The following MAP3K2 variants were observed in gnomAD, a reference collection of about 807,000 sequenced individuals.
MAP3K2 encodes the protein mitogen-activated protein kinase kinase kinase 2, also known as MAP/ERK kinase kinase 2.
In MAP3K2, 24 loss-of-function variants were observed where a neutral mutation model predicts 80.3. The ratio of observed to expected loss-of-function variants is 0.30; its 90% CI spans 0.22 to 0.42. MAP3K2 has a LOEUF of 0.42. Ranked by LOEUF, MAP3K2 falls within the 10% of genes least tolerant of loss-of-function variation. MAP3K2 has a pLI of 1.00. For missense variants in MAP3K2, 608 were observed against 750.1 expected (o/e 0.81, Z 2.21); for synonymous variants, 244 against 253.7 (o/e 0.96, Z 0.36).
chr2:127,337,499 G>GTGATACA (rs1686396779), intron 4 of MAP3K2, among the ~76,000 whole-genome samples: 1 of 152,144 alleles, frequency 6.6e-6, no homozygotes, highest in African/African-American at 2.4e-5. Context: ...GTATTAAACA[G>GTGATACA]TGATCTTATT....
In MAP3K2 at chr2:127,371,252, G is replaced by A. The variant is rs184530745; in HGVS notation, c.-66+16200C>T. Among the ~76,000 whole-genome samples the A allele has an allele frequency of 2.2e-3, 330 of 152,236 alleles. 3 individuals carry two copies. Among genetic ancestry groups the A allele is most frequent in the African/African-American group, 7.5e-3 (310 of 41,516 alleles). On this transcript the variant is annotated intron_variant, in intron 1 of 16. Coordinates refer to ENST00000682094, the MANE Select transcript of MAP3K2 (RefSeq NM_001371910.2). ...GAGGGCAGAATACGATGAGTTGTGC[G>A]AACAACAAGCCAACCAGAACGAGGT...
At chr2:127,347,135 A>T (rs1358851676) in intron 1 of MAP3K2, among the ~76,000 whole-genome samples, 1 of 152,166 alleles carries the variant, frequency 6.6e-6, no homozygotes, top group Non-Finnish European at 1.5e-5. Context: ...TTATGGTGAA[A>T]AACTTCATGG....
chr2:127,337,769 G>A lies in MAP3K2; in HGVS notation c.133C>T (p.Arg45Ter). 1.3e-6 allele frequency: 2 copies of A among 1,521,786 alleles called. No homozygotes were observed. The highest frequency in any genetic ancestry group is 1.4e-5 in the African/African-American group (1 of 72,474). The allele number at this position is 1,521,786 out of a possible 1,614,324, so 94.3% of individuals were successfully genotyped here. ...SSSPKKQNDV[R>*]VKFEHRGEKR... is the part of the protein sequence containing the mutation. ...TCTCCTCTATGTTCAAATTTGACTCGGACATCATTCTGTAATGAAATGACA... is the reference window on the plus strand; with the variant it reads ...TCTCCTCTATGTTCAAATTTGACTCAGACATCATTCTGTAATGAAATGACA... The change falls in exon 4 of 17, where the codon CGA (arginine) becomes TGA (stop). Residue 45 changes from arginine (R) to a stop codon, truncating the protein, a stop_gained. Transcript: ENST00000682094. LOFTEE classifies it high-confidence loss of function.
At chr2:127,369,959 G>A (rs1041984645) in intron 1 of MAP3K2, among the ~76,000 whole-genome samples, 6 of 152,154 alleles carry the variant, frequency 3.9e-5, no homozygotes, top group African/African-American at 9.7e-5. Flanking sequence ...CAAAAGCTTC[G>A]GAAAAAGATT....
At chr2:127,368,576 C>T (rs913055282) in intron 1 of MAP3K2, among the ~76,000 whole-genome samples, 2 of 151,948 alleles carry the variant, frequency 1.3e-5, no homozygotes, top group East Asian at 1.9e-4. Context: ...GAGCCCAGAT[C>T]GTGCCACTGC....
intron 1 of MAP3K2, among the ~76,000 whole-genome samples, chr2:127,348,059 G>A (rs1686629065): frequency 6.6e-6 from 1 of 152,146 alleles, no homozygotes; most frequent in South Asian, 2.1e-4. Flanking sequence ...AACTGATGAA[G>A]AGAGAAACAT....
At chr2:127,380,187 A>T (rs1421218959) in intron 1 of MAP3K2, among the ~76,000 whole-genome samples, 1 of 152,196 alleles carries the variant, frequency 6.6e-6, no homozygotes, top group Non-Finnish European at 1.5e-5. Flanking sequence ...GTACCAAACA[A>T]CAAAACGCTG....
At position 127,335,773 on chromosome 2, in the gene MAP3K2, A is replaced by T. The variant is rs571684668; in HGVS notation, c.264+97T>A. On this transcript the variant is annotated intron_variant, in intron 5 of 16. Transcript: ENST00000682094. ...CTTCTGACATACCATATATTTATCA[A>T]TCCCTAAATAAAAACACGAGTCTTA... 10 of 607,680 alleles carry T rather than the reference A, an allele frequency of 1.6e-5. 1 individual carries two copies. The East Asian group carries it at 2.8e-4, about 17-fold the overall frequency. 37.6% of individuals were successfully genotyped at this position (607,680 alleles called of 1,614,324 possible).
chr2:127,336,285 T>C (rs1686370318), intron 4 of MAP3K2, among the ~76,000 whole-genome samples: 1 of 152,202 alleles, frequency 6.6e-6, no homozygotes, highest in Non-Finnish European at 1.5e-5. Flanking sequence ...AGGAAACTGA[T>C]TAAACTTAAC....
intron 4 of MAP3K2, 85 bp from the exon 5 acceptor site, chr2:127,336,054 A>G: frequency 1.4e-6 from 1 of 706,132 alleles, no homozygotes; most frequent in Non-Finnish European, 2.4e-6. Flanking sequence ...TTAGAGTGAT[A>G]CAAGATTAAC....
At position 127,325,281 on chromosome 2, in the gene MAP3K2, T is replaced by C. The variant is rs188583561; in HGVS notation, c.677+447A>G. ...CTGTGCAAAAATTCATCTGCCGTCA[T>C]CATACACAAGTACCAATTCTATTCC... On this transcript the variant is annotated intron_variant, in intron 9 of 16. Coordinates refer to ENST00000682094, the MANE Select transcript of MAP3K2 (RefSeq NM_001371910.2). Among the ~76,000 whole-genome samples, 246 of 152,346 alleles carry C rather than the reference T, an allele frequency of 1.6e-3. 1 individual carries two copies. The highest frequency in any genetic ancestry group is 1.4e-3 in the Non-Finnish European group (94 of 68,032).
At chr2:127,338,231 G>C (rs1046088955) in intron 3 of MAP3K2, among the ~76,000 whole-genome samples, 3 of 152,146 alleles carry the variant, frequency 2.0e-5, no homozygotes, top group African/African-American at 7.2e-5. Flanking sequence ...CAGCTTTGGA[G>C]AACAGTTACC....
intron 7 of MAP3K2, among the ~76,000 whole-genome samples, chr2:127,329,646 C>T (rs529922516): frequency 5.1e-4 from 78 of 152,244 alleles, no homozygotes; most frequent in African/African-American, 1.8e-3. Context: ...TGAGCTACCG[C>T]GCCCAGCCTA....
rs147598017 is a variant in MAP3K2, at chr2:127,378,899, C to G, written c.-66+8553G>C. Among the ~76,000 whole-genome samples the G allele has an allele frequency of 3.7e-3, 560 of 151,982 alleles. 2 individuals carry two copies. The highest frequency in any genetic ancestry group is 0.013 in the African/African-American group (539 of 41,450). Reference sequence around the variant, plus strand: ...CTCCCACCTCAGCCTTTTGAGTAATCCTCCCACCTCAGCCTTTTGAGTAGC... The same window carrying G: ...CTCCCACCTCAGCCTTTTGAGTAATGCTCCCACCTCAGCCTTTTGAGTAGC... On this transcript the variant is annotated intron_variant, in intron 1 of 16. Coordinates refer to ENST00000682094, the MANE Select transcript of MAP3K2 (RefSeq NM_001371910.2).
chr2:127,320,483 G>T (rs748483428), intron 12 of MAP3K2, among the ~76,000 whole-genome samples: 3 of 151,910 alleles, frequency 2.0e-5, no homozygotes, highest in Non-Finnish European at 2.9e-5. Context: ...GACAACAGAG[G>T]TATGAGACAG....
Position 127,303,066 on chromosome 2 carries a change from C to G in MAP3K2, c.*4513G>C, listed in dbSNP as rs896739037. Reference sequence around the variant, plus strand: ...TAATATAAAATAAAATTAAGGCATACAGAGAAAAGGCACTACTAAAAATTA... The same window carrying G: ...TAATATAAAATAAAATTAAGGCATAGAGAGAAAAGGCACTACTAAAAATTA... On this transcript the variant is annotated 3_prime_UTR_variant, in exon 17 of 17. Transcript: ENST00000682094. 6.6e-6 allele frequency: 1 copy of G among 151,898 alleles called. No individual in the cohort carries two copies. Among genetic ancestry groups the G allele is most frequent in the Non-Finnish European group, 1.5e-5 (1 of 67,980 alleles). The allele number at this position is 151,898 out of a possible 1,614,324, so 9.4% of individuals were successfully genotyped here. A position where few individuals can be genotyped will look rare whatever the true frequency, so the allele number is the denominator to read the frequency against.
rs766813314 is a variant in MAP3K2 at position 127,299,167 on chromosome 2, A to C, written c.*8412T>G. 1 of 152,164 alleles carries C rather than the reference A, an allele frequency of 6.6e-6. No individual in the cohort carries two copies. The highest frequency in any genetic ancestry group is 2.4e-5 in the African/African-American group (1 of 41,436). 9.4% of individuals were successfully genotyped at this position (152,164 alleles called of 1,614,324 possible). On this transcript the variant is annotated 3_prime_UTR_variant, in exon 17 of 17. Coordinates refer to ENST00000682094, the MANE Select transcript of MAP3K2 (RefSeq NM_001371910.2). The stretch of plus-strand genomic sequence containing the variant: ...AATAAGCTTAGTGACATTCAACTTC[A>C]ACAGTGGACTTTATTCCTAACACGA...
intron 2 of MAP3K2, among the ~76,000 whole-genome samples, chr2:127,340,894 T>G (rs1686466948): frequency 6.6e-6 from 1 of 152,114 alleles, no homozygotes; most frequent in African/African-American, 2.4e-5. Context: ...TTAAACAATT[T>G]TATATGCTTA....
At chr2:127,345,315 C>T (rs918357411) in intron 1 of MAP3K2, among the ~76,000 whole-genome samples, 2 of 152,298 alleles carry the variant, frequency 1.3e-5, no homozygotes, top group African/African-American at 4.8e-5. Flanking sequence ...ATAGCCAATA[C>T]ATCAAAAAGA....
Sources: gnomAD v4.1 joint callset for allele counts (sites outside exome capture counted in the v4.1 genomes callset) on GRCh38, gnomAD v4.1.1 for gene constraint, MANE v1.5 for transcripts, NCBI Gene and HGNC (gene_info 2026-07-23, HGNC 2026-07-21) for gene names.